Variants in HPS4 observed in about 807,000 individuals in gnomAD.
HPS4 encodes HPS4 biogenesis of lysosomal organelles complex 3 subunit 2.
In HPS4, 44 loss-of-function variants were observed where a neutral mutation model predicts 70.3. That is an observed-to-expected ratio of 0.63 (90% confidence interval 0.49 to 0.80). The LOEUF is 0.80. HPS4 is among the 30% of genes least tolerant of loss of function. The pLI is 0.00. For synonymous variants in HPS4, 377 were observed against 355.9 expected, an observed-to-expected ratio of 1.06 and a Z score of -0.67; for missense variants, 873 against 884.4, an observed-to-expected ratio of 0.99 and a Z score of 0.16.
intron 7 of HPS4, 70 bp from the exon 8 acceptor site, chr22:26,468,693 T>C: frequency 1.5e-6 from 2 of 1,362,832 alleles, no homozygotes; most frequent in Non-Finnish European, 2.1e-6. Flanking sequence ...ATTTTAAAGA[T>C]GCCTAACAGC....
intron 10 of HPS4, 67 bp from the exon 11 acceptor site, chr22:26,464,893 G>A: frequency 6.9e-7 from 1 of 1,443,992 alleles, no homozygotes; most frequent in South Asian, 1.4e-5. Context: ...CCCTTCCACA[G>A]TGAAGACTAA....
Position 26,464,168 on chromosome 22 carries a change from G to C in HPS4, c.1462C>G (p.Gln488Glu). ...CCATCAACATCCTCATCCAGGCCTT[G>C]TTCCCCCGTGGGAAGCTTGTTTCCT... The part of the protein sequence containing the change: ...QRGNKLPTGE[Q>E]GLDEDVDGVC... The change falls in exon 11 of 14, where the codon CAA (glutamine) becomes GAA (glutamate). Residue 488 changes from glutamine (Q) to glutamate (E), a missense_variant. Coordinates refer to ENST00000398145, the MANE Select transcript of HPS4 (RefSeq NM_022081.6). 6.2e-7 allele frequency: 1 copy of C among 1,614,250 alleles called. No individual in the cohort carries two copies. The highest frequency in any genetic ancestry group is 8.5e-7 in the Non-Finnish European group (1 of 1,180,052).
intron 4 of HPS4, chr22:26,476,653 C>T: frequency 4.2e-6 from 1 of 238,800 alleles, no homozygotes; most frequent in Non-Finnish European, 8.3e-6. Context: ...TTTTCTGGGT[C>T]ACTTACCCAG....
At chr22:26,468,991 C>G (rs1017786977) in intron 7 of HPS4, among the ~76,000 whole-genome samples, 1 of 152,092 alleles carries the variant, frequency 6.6e-6, no homozygotes, top group African/African-American at 2.4e-5. Context: ...CCATATGAAC[C>G]GGTAAGGAAA....
At chr22:26,483,610 G>C in intron 1 of HPS4, 64 bp downstream of exon 1, 1 of 287,740 alleles carries the variant, frequency 3.5e-6, no homozygotes, top group Non-Finnish European at 6.4e-6. Flanking sequence ...GGCGGGGTCG[G>C]GTCACGCTCT....
intron 3 of HPS4, 73 bp downstream of exon 3, chr22:26,479,192 C>G: frequency 7.0e-7 from 1 of 1,434,184 alleles, no homozygotes. Context: ...TAATGTAAAC[C>G]CCATACTTTT....
chr22:26,479,147 T>A (rs2090988570), intron 3 of HPS4, 118 bp downstream of exon 3: 1 of 972,380 alleles, frequency 1.0e-6, no homozygotes, highest in Non-Finnish European at 1.6e-6. Context: ...AATAAGACAG[T>A]AGAAATGTCA....
Position 26,481,808 on chromosome 22 carries a change from C to G in HPS4, c.-46G>C, listed in dbSNP as rs187291798. 1.3e-6 allele frequency: 2 copies of G among 1,575,116 alleles called. No homozygotes were observed. The highest frequency in any genetic ancestry group is 2.2e-5 in the East Asian group (1 of 44,670). ...TTCTCTTCATTTAGGTTTTCTTTTC[C>G]GGTATCACTTCTTTCTCCCTAGCTG... is the stretch of plus-strand genomic sequence containing the variant. On this transcript the variant is annotated 5_prime_UTR_variant, in exon 2 of 14. Coordinates refer to ENST00000398145, the MANE Select transcript of HPS4 (RefSeq NM_022081.6).
At chr22:26,453,593 C>T in intron 13 of HPS4, 189 bp from the exon 14 acceptor site, 1 of 658,474 alleles carries the variant, frequency 1.5e-6, no homozygotes, top group Non-Finnish European at 2.7e-6. Context: ...ATCTTTCCTT[C>T]CTTTCAGCTC....
intron 11 of HPS4, among the ~76,000 whole-genome samples, chr22:26,460,474 C>T (rs16982135): frequency 0.04 from 6,023 of 152,284 alleles, 404 homozygotes; most frequent in African/African-American, 0.14. Flanking sequence ...ACCTCAAGAA[C>T]GTGCTAACAG....
chr22:26,458,549 C>A lies in HPS4; in HGVS notation c.1742G>T (p.Gly581Val). The A allele has an allele frequency of 6.2e-7, 1 of 1,614,142 alleles. No homozygotes were observed. Among genetic ancestry groups the A allele is most frequent in the South Asian group, 1.1e-5 (1 of 91,076 alleles). Reference sequence around the variant, plus strand: ...CGTCTCTTTCAGGTGGACTTCCAGCCCATTCAGTGAAGCCAGGCTGCTGTG... The same window carrying A: ...CGTCTCTTTCAGGTGGACTTCCAGCACATTCAGTGAAGCCAGGCTGCTGTG... ...VYHSSLASLN[G>V]LEVHLKETLP... Residue 581 changes from glycine to valine, a missense_variant, in exon 12 of 14, where the codon GGG becomes GTG. Gly to Val is a moderately radical substitution (Grantham distance 109). Coordinates refer to ENST00000398145, the MANE Select transcript of HPS4 (RefSeq NM_022081.6).
rs1209886505 is a variant in HPS4 at position 26,477,139 on chromosome 22, G to C, written c.133-3C>G. ...AACTCCTGTTGGTCTAGCAGGGTCT[G>C]TGGGAAAGGAGCACATTCCAGATAG... On this transcript the variant is annotated splice_region_variant and splice_polypyrimidine_tract_variant and intron_variant, in intron 3 of 13. Coordinates refer to ENST00000398145, the MANE Select transcript of HPS4 (RefSeq NM_022081.6). 1 of 1,614,042 alleles carries C rather than the reference G, an allele frequency of 6.2e-7. No homozygotes were observed. Among genetic ancestry groups the C allele is most frequent in the Non-Finnish European group, 8.5e-7 (1 of 1,180,014 alleles).
At chr22:26,447,928 A>C (rs1680284741), downstream of HPS4, among the ~76,000 whole-genome samples, 1 of 152,166 alleles carries the variant, frequency 6.6e-6, no homozygotes, top group African/African-American at 2.4e-5. Flanking sequence ...TTCTTTGAGC[A>C]TGGAGAGCAC....
intron 12 of HPS4, 37 bp from the exon 13 acceptor site, chr22:26,458,004 AGTTACCTTCTGCCC>A: frequency 1.3e-6 from 2 of 1,516,166 alleles, no homozygotes; most frequent in African/African-American, 2.7e-5. Flanking sequence ...AAGAGCAGAC[AGTTACCTTCTGCCC>A]TCCCACCCCA....
chr22:26,481,616 T>C, intron 2 of HPS4, 106 bp downstream of exon 2: 1 of 1,060,526 alleles, frequency 9.4e-7, no homozygotes, highest in Non-Finnish European at 1.5e-6. Flanking sequence ...ATTTTTATTG[T>C]TATGTTAATA....
Position 26,468,583 on chromosome 22 carries a change from C to T in HPS4, c.637G>A (p.Val213Ile), listed in dbSNP as rs766791829. The change falls in exon 8 of 14, where the codon GTC becomes ATC. Residue 213 changes from valine to isoleucine, a missense_variant. Coordinates refer to ENST00000398145, the MANE Select transcript of HPS4 (RefSeq NM_022081.6). The stretch of plus-strand genomic sequence containing the variant: ...TGAGGTGCTGTTCGGTGAAGCAGGA[C>T]CTTGGCGGTGAGGGAGGGCGGGAGT... ...TQLPPSLTAK[V>I]LLHRTAPQEQ... 2.5e-6 allele frequency: 4 copies of T among 1,614,010 alleles called. No individual in the cohort carries two copies. The highest frequency in any genetic ancestry group is 3.4e-6 in the Non-Finnish European group (4 of 1,180,024).
chr22:26,444,871 C>T (rs1568987689), intron 3 of HPS4: 1 of 152,232 alleles, frequency 6.6e-6, no homozygotes, highest in Admixed American at 6.5e-5. Context: ...GTTAAAGAAT[C>T]ACTGAGGTGC....
chr22:26,443,824 C>G (rs2084880851), downstream of HPS4: 3 of 152,206 alleles, frequency 2.0e-5, no homozygotes. Context: ...GGGATACTGT[C>G]ACCATCGCTC....
Position 26,452,052 on chromosome 22 carries a change from CCCTTA to C in HPS4, c.*1176_*1180del. On this transcript the variant is annotated 3_prime_UTR_variant, in exon 14 of 14. Coordinates refer to ENST00000398145, the MANE Select transcript of HPS4 (RefSeq NM_022081.6). ...CACACACACACACACACTGTCTTAA[CCCTTA>C]CCTTTGTCACAAAAAAATGCTGCCA... The C allele has an allele frequency of 2.9e-6, 1 of 341,998 alleles. No individual in the cohort carries two copies. Among genetic ancestry groups the C allele is most frequent in the Non-Finnish European group, 5.7e-6 (1 of 176,160 alleles). The allele number at this position is 341,998 out of a possible 1,614,324, so 21.2% of individuals were successfully genotyped here.
Sources: allele counts gnomAD v4.1 joint callset (sites outside exome capture counted in the v4.1 genomes callset), GRCh38; gene constraint gnomAD v4.1.1; transcripts MANE v1.5; gene names NCBI Gene and HGNC (gene_info 2026-07-23, HGNC 2026-07-21).